Variants in MAF observed in about 807,000 individuals in gnomAD.
MAF encodes MAF bZIP transcription factor.
In MAF, 10 loss-of-function variants were observed where a neutral mutation model predicts 22.0. The ratio of observed to expected loss-of-function variants is 0.45; its 90% confidence interval spans 0.28 to 0.77. MAF has a LOEUF of 0.77. Among genes scored for constraint, MAF ranks in the 30% least tolerant of loss-of-function variants. The pLI, the probability that MAF is intolerant of heterozygous loss-of-function variation, is 0.12. For missense variants in MAF, 544 were observed against 548.4 expected, an observed-to-expected ratio of 0.99 and a Z score of 0.08; for synonymous variants, 337 against 255.8, an observed-to-expected ratio of 1.32 and a Z score of -3.03.
At chr16:79,419,111 T>C in the MAF span, among the ~76,000 whole-genome samples, 1 of 152,088 alleles carries the variant, frequency 6.6e-6, no homozygotes, top group Non-Finnish European at 1.5e-5. Context: ...CGAATTAACT[T>C]CCCCCCTCAG....
At chr16:79,231,070 C>T in the MAF span, among the ~76,000 whole-genome samples, 1 of 152,006 alleles carries the variant, frequency 6.6e-6, no homozygotes, top group Non-Finnish European at 1.5e-5. Flanking sequence ...TCTGTATAGT[C>T]TTATTAGTTT....
the MAF span, among the ~76,000 whole-genome samples, chr16:79,420,382 C>T: frequency 6.6e-6 from 1 of 152,310 alleles, no homozygotes. Flanking sequence ...AACACAGTGG[C>T]CGCATGTTGA....
the MAF span, among the ~76,000 whole-genome samples, chr16:79,472,850 G>C: frequency 1.3e-5 from 2 of 152,004 alleles, no homozygotes; most frequent in Admixed American, 6.6e-5. Context: ...CTGCCATGGA[G>C]AGGGAACAAG....
the MAF span, among the ~76,000 whole-genome samples, chr16:79,306,373 C>T: frequency 1.3e-5 from 2 of 152,296 alleles, no homozygotes; most frequent in Non-Finnish European, 2.9e-5. Context: ...TTCATTCATT[C>T]GTTCCACACA....
At chr16:79,402,423 C>A in the MAF span, among the ~76,000 whole-genome samples, 44 of 152,200 alleles carry the variant, frequency 2.9e-4, no homozygotes, top group African/African-American at 9.4e-4. Context: ...CCACACCTAG[C>A]CCTTTCAGAG....
the MAF span, chr16:79,505,643 G>T: frequency 3.9e-5 from 6 of 152,232 alleles, no homozygotes; most frequent in Admixed American, 3.3e-4. Flanking sequence ...GCCACGACTG[G>T]TCTCTGGGCC....
rs1193982100 is a variant in MAF at position 79,599,204 on chromosome 16, G to A, written c.699C>T (p.Gly233=). 1.1e-6 allele frequency: 1 copy of A among 889,988 alleles called. No homozygotes were observed. Among genetic ancestry groups the A allele is most frequent in the Non-Finnish European group, 1.3e-6 (1 of 747,720 alleles). The allele number at this position is 889,988 out of a possible 1,614,324, so 55.1% of individuals were successfully genotyped here. Residue 233 remains glycine (G), a synonymous_variant, in exon 1 of 2, where the codon GGC becomes GGT. Transcript: ENST00000326043. ...CCCCCGCCGCGCCCCCGCCGCCTCC[G>A]CCGCCGCCGCCGCCGCCGCCGCCCC... ...SAGGGGGGGG[G]GGGGGAAGAG...
chr16:79,212,140 C>T, the MAF span: 9 of 1,520,648 alleles, frequency 5.9e-6, no homozygotes, highest in Middle Eastern at 1.7e-4. Context: ...CCTGAGGTCC[C>T]CTCGTCCCAT....
At chr16:79,583,181 A>G (rs2143676054), downstream of MAF, among the ~76,000 whole-genome samples, 1 of 152,354 alleles carries the variant, frequency 6.6e-6, no homozygotes, top group Admixed American at 6.5e-5. Flanking sequence ...ACACAGAAGG[A>G]CAGGCGTGCA....
chr16:79,444,418 C>A, the MAF span, among the ~76,000 whole-genome samples: 8 of 152,094 alleles, frequency 5.3e-5, no homozygotes. Context: ...CAGGTACATT[C>A]CAAAGCATGG....
chr16:79,491,387 C>T, the MAF span, among the ~76,000 whole-genome samples: 319 of 152,324 alleles, frequency 2.1e-3, 1 homozygote, highest in Middle Eastern at 3.4e-3. Flanking sequence ...AAAGTCTTCT[C>T]CTGTGGCATC....
At chr16:79,299,698 G>A in the MAF span, among the ~76,000 whole-genome samples, 1 of 152,214 alleles carries the variant, frequency 6.6e-6, no homozygotes, top group Non-Finnish European at 1.5e-5. Flanking sequence ...GCAACCCAGA[G>A]GCACCTTGAT....
chr16:79,394,221 G>A, the MAF span, among the ~76,000 whole-genome samples: 1 of 152,212 alleles, frequency 6.6e-6, no homozygotes, highest in African/African-American at 2.4e-5. Flanking sequence ...GACACCTTTA[G>A]GTCTAAATTC....
chr16:79,452,823 T>C, the MAF span, among the ~76,000 whole-genome samples: 1 of 152,126 alleles, frequency 6.6e-6, no homozygotes, highest in Non-Finnish European at 1.5e-5. Flanking sequence ...AGATTACCTC[T>C]TGAGTGCACT....
At chr16:79,249,293 C>T in the MAF span, among the ~76,000 whole-genome samples, 5 of 152,054 alleles carry the variant, frequency 3.3e-5, no homozygotes, top group African/African-American at 1.2e-4. Context: ...GTGGTGCATG[C>T]CTGTTATCCC....
At chr16:79,309,012 A>AT in the MAF span, among the ~76,000 whole-genome samples, 65 of 152,322 alleles carry the variant, frequency 4.3e-4, no homozygotes, top group African/African-American at 1.4e-3. Flanking sequence ...AGCTGGAAAT[A>AT]TTTAAATGCA....
the MAF span, among the ~76,000 whole-genome samples, chr16:79,248,441 G>A: frequency 2.0e-5 from 3 of 152,116 alleles, no homozygotes; most frequent in African/African-American, 7.2e-5. Flanking sequence ...ATAGACTGAT[G>A]TTCCAGATTC....
chr16:79,403,885 G>T, the MAF span, among the ~76,000 whole-genome samples: 8,147 of 152,196 alleles, frequency 0.054, 537 homozygotes, highest in African/African-American at 0.16. Flanking sequence ...GGCATGGATG[G>T]CTGGGGAGGG....
At chr16:79,225,581 G>A in the MAF span, among the ~76,000 whole-genome samples, 1 of 152,092 alleles carries the variant, frequency 6.6e-6, no homozygotes, top group South Asian at 2.1e-4. Flanking sequence ...TCATCAGAGT[G>A]AACAGGAAAC....
Sources: allele counts gnomAD v4.1 joint callset (sites outside exome capture counted in the v4.1 genomes callset), GRCh38; gene constraint gnomAD v4.1.1; transcripts MANE v1.5; gene names NCBI Gene and HGNC (gene_info 2026-07-23, HGNC 2026-07-21).